PRKAR2B: variants seen among roughly 807,000 people sequenced by gnomAD.
The protein encoded by PRKAR2B is cAMP-dependent protein kinase type II-beta regulatory subunit.
PRKAR2B carries 14 observed loss-of-function variants against 49.9 expected under a neutral mutation model. That is an observed-to-expected ratio of 0.28 (90% CI 0.19 to 0.44). PRKAR2B has a LOEUF of 0.44. Ranked by LOEUF, PRKAR2B falls within the 20% of genes least tolerant of loss-of-function variation. PRKAR2B has a pLI of 1.00. For synonymous variants in PRKAR2B, 196 were observed against 197.7 expected (o/e 0.99, Z 0.07); for missense variants, 393 against 537.9 (o/e 0.73, Z 2.67).
intron 2 of PRKAR2B, among the ~76,000 whole-genome samples, chr7:107,099,440 G>A (rs1463271380): frequency 1.3e-5 from 2 of 152,124 alleles, no homozygotes; most frequent in Admixed American, 1.3e-4. Flanking sequence ...CTAGGAATGG[G>A]AATTCCCTGA....
intron 1 of PRKAR2B, among the ~76,000 whole-genome samples, chr7:107,069,306 G>A (rs1453767717): frequency 3.3e-5 from 5 of 152,136 alleles, no homozygotes; most frequent in Non-Finnish European, 2.9e-5. Context: ...TTTTATTATA[G>A]TACTTGTTCC....
chr7:107,135,293 T>C (rs953228700), intron 4 of PRKAR2B, among the ~76,000 whole-genome samples: 1 of 151,970 alleles, frequency 6.6e-6, no homozygotes, highest in Admixed American at 6.6e-5. Context: ...AAAAGGAAAA[T>C]AAAGTGATTA....
At chr7:107,084,917 G>A (rs1412453255) in intron 2 of PRKAR2B, among the ~76,000 whole-genome samples, 3 of 152,056 alleles carry the variant, frequency 2.0e-5, no homozygotes, top group Admixed American at 6.6e-5. Flanking sequence ...GAGCCACCAC[G>A]CCCGGCCTAT....
At chr7:107,084,219 TAAC>T (rs1794569122) in intron 2 of PRKAR2B, among the ~76,000 whole-genome samples, 1 of 152,160 alleles carries the variant, frequency 6.6e-6, no homozygotes, top group Non-Finnish European at 1.5e-5. Flanking sequence ...GCTTTTTTGG[TAAC>T]AAGTTTTTTA....
chr7:107,143,624 T>C (rs1795829174), intron 5 of PRKAR2B, among the ~76,000 whole-genome samples: 1 of 152,210 alleles, frequency 6.6e-6, no homozygotes, highest in Non-Finnish European at 1.5e-5. Flanking sequence ...TGATGGCTTA[T>C]TGGTAGCATA....
intron 4 of PRKAR2B, among the ~76,000 whole-genome samples, chr7:107,131,671 TA>T (rs1436518334): frequency 6.6e-6 from 1 of 152,220 alleles, no homozygotes; most frequent in African/African-American, 2.4e-5. Flanking sequence ...CCTTACTATT[TA>T]AATCCTTCCA....
Position 107,160,459 on chromosome 7 carries a change from T to C in PRKAR2B, c.*877T>C, listed in dbSNP as rs1377495371. 6.6e-6 allele frequency: 1 copy of C among 152,166 alleles called. No individual in the cohort carries two copies. The highest frequency in any genetic ancestry group is 1.9e-4 in the East Asian group (1 of 5,198). 9.4% of individuals were successfully genotyped at this position (152,166 alleles called of 1,614,324 possible). On this transcript the variant is annotated 3_prime_UTR_variant, in exon 11 of 11. Coordinates refer to ENST00000265717, the MANE Select transcript of PRKAR2B (RefSeq NM_002736.3). Reference sequence around the variant, plus strand: ...TCTTTAAGATTTTACACCTAAAAAATCTCTCCTATCCCAAAAATAATGTGG... The same window carrying C: ...TCTTTAAGATTTTACACCTAAAAAACCTCTCCTATCCCAAAAATAATGTGG...
At chr7:107,104,490 G>T (rs1425066607) in intron 2 of PRKAR2B, among the ~76,000 whole-genome samples, 1 of 152,184 alleles carries the variant, frequency 6.6e-6, no homozygotes. Context: ...CCTCGTTGGG[G>T]GGGTATACTC....
chr7:107,061,758 G>C (rs1257839900), intron 1 of PRKAR2B, among the ~76,000 whole-genome samples: 1 of 152,142 alleles, frequency 6.6e-6, no homozygotes, highest in East Asian at 1.9e-4. Context: ...ACAGAAATTA[G>C]TGGTGGCACA....
chr7:107,125,123 C>T (rs945110575), intron 3 of PRKAR2B, among the ~76,000 whole-genome samples: 1 of 152,048 alleles, frequency 6.6e-6, no homozygotes, highest in Non-Finnish European at 1.5e-5. Context: ...TTATTCTTAG[C>T]CTAGAGGCCA....
chr7:107,135,257 C>T lies in PRKAR2B; in HGVS notation c.481-5590C>T, dbSNP rs145617949. On this transcript the variant is annotated intron_variant, in intron 4 of 10. Transcript: ENST00000265717. ...AAACTACAATGAAATACCACTTCATCCCCACCGGGGTAGTTACAATTTTAA... is the reference window on the plus strand; with the variant it reads ...AAACTACAATGAAATACCACTTCATTCCCACCGGGGTAGTTACAATTTTAA... Among the ~76,000 whole-genome samples the T allele has an allele frequency of 7.9e-5, 12 of 152,126 alleles. No individual in the cohort carries two copies. In the East Asian group the frequency reaches 1.4e-3, roughly 17 times the overall value.
chr7:107,143,449 G>A (rs1795825754), intron 5 of PRKAR2B, among the ~76,000 whole-genome samples: 1 of 152,230 alleles, frequency 6.6e-6, no homozygotes, highest in South Asian at 2.1e-4. Flanking sequence ...GGTGGAGACT[G>A]CAAGCCTGCC....
intron 1 of PRKAR2B, among the ~76,000 whole-genome samples, chr7:107,060,843 A>T (rs1562842913): frequency 6.6e-6 from 1 of 152,166 alleles, no homozygotes; most frequent in South Asian, 2.1e-4. Context: ...CACTAACCCA[A>T]ATTAAAAAGG....
At chr7:107,049,872 ATTAAATC>A (rs1396793272) in intron 1 of PRKAR2B, among the ~76,000 whole-genome samples, 4 of 152,206 alleles carry the variant, frequency 2.6e-5, no homozygotes, top group Admixed American at 2.6e-4. Context: ...CCTGAAATGG[ATTAAATC>A]ATTCATGACA....
intron 4 of PRKAR2B, among the ~76,000 whole-genome samples, chr7:107,139,128 C>T (rs916031280): frequency 3.3e-5 from 5 of 152,030 alleles, no homozygotes; most frequent in African/African-American, 1.2e-4. Flanking sequence ...TGCAAAAGCT[C>T]TCTACAGTTC....
chr7:107,058,054 GA>G (rs1793949467), intron 1 of PRKAR2B, among the ~76,000 whole-genome samples: 1 of 138,184 alleles, frequency 7.2e-6, no homozygotes, highest in South Asian at 2.2e-4. Context: ...GTCCGACTTG[GA>G]AAAAAAAGTA....
At chr7:107,086,420 G>C (rs1794621902) in intron 2 of PRKAR2B, among the ~76,000 whole-genome samples, 1 of 151,996 alleles carries the variant, frequency 6.6e-6, no homozygotes, top group Non-Finnish European at 1.5e-5. Context: ...ATATATGCTT[G>C]CTAGTAGCAT....
intron 4 of PRKAR2B, among the ~76,000 whole-genome samples, chr7:107,137,128 GC>G (rs1693308985): frequency 6.6e-6 from 1 of 152,164 alleles, no homozygotes; most frequent in African/African-American, 2.4e-5. Context: ...CCTTGTCACC[GC>G]TAGACAGCTC....
chr7:107,100,255 A>G (rs1167379071), intron 2 of PRKAR2B, among the ~76,000 whole-genome samples: 3 of 152,168 alleles, frequency 2.0e-5, no homozygotes, highest in Admixed American at 6.5e-5. Flanking sequence ...CCTCATTAAA[A>G]GATAGTTTGG....
Sources: allele counts gnomAD v4.1 joint callset (sites outside exome capture counted in the v4.1 genomes callset), GRCh38; gene constraint gnomAD v4.1.1; transcripts MANE v1.5; gene names NCBI Gene and HGNC (gene_info 2026-07-23, HGNC 2026-07-21).